GREB1L: variants seen among roughly 807,000 people sequenced by gnomAD.
GREB1L encodes the protein GREB1-like protein.
A neutral mutation model predicts 200.8 loss-of-function variants in GREB1L; 17 were observed. The observed-to-expected ratio is 0.08, with a 90% confidence interval of 0.06 to 0.13. The LOEUF (loss-of-function observed/expected upper bound fraction) is 0.13. Among genes scored for constraint, GREB1L ranks in the 10% least tolerant of loss-of-function variants. GREB1L has a pLI of 1.00. For synonymous variants in GREB1L, 789 were observed against 893.0 expected (o/e 0.88, Z 2.08); for missense variants, 1,657 against 2,367.7 (o/e 0.70, Z 6.23).
intron 15 of GREB1L, among the ~76,000 whole-genome samples, chr18:21,467,672 T>C (rs1193071932): frequency 1.3e-5 from 2 of 152,150 alleles, no homozygotes; most frequent in Non-Finnish European, 2.9e-5. Context: ...GAAAACAGTC[T>C]AGTGGTTGTC....
chr18:21,310,282 T>C (rs2144788615), intron 1 of GREB1L, among the ~76,000 whole-genome samples: 1 of 152,258 alleles, frequency 6.6e-6, no homozygotes, highest in East Asian at 1.9e-4. Context: ...TAAGTGTATC[T>C]TCAAGAAGCC....
At chr18:21,406,916 C>T (rs2030321897) in intron 7 of GREB1L, among the ~76,000 whole-genome samples, 2 of 150,496 alleles carry the variant, frequency 1.3e-5, no homozygotes, top group Admixed American at 1.3e-4. Context: ...ACTGTGACAC[C>T]CATGCTGGAG....
intron 12 of GREB1L, 52 bp downstream of exon 12, chr18:21,449,888 TTCC>T: frequency 7.4e-7 from 1 of 1,352,172 alleles, no homozygotes; most frequent in South Asian, 1.5e-5. Flanking sequence ...TCGACCATTT[TTCC>T]ATTTAAAAAT....
intron 7 of GREB1L, among the ~76,000 whole-genome samples, chr18:21,415,719 A>G: frequency 6.6e-6 from 1 of 152,234 alleles, no homozygotes; most frequent in Non-Finnish European, 1.5e-5. Flanking sequence ...CACATAATAC[A>G]TCAGGCATAA....
rs77131860 is a variant in GREB1L, at chr18:21,307,118, A to G, written c.-119-58909A>G. 3.6e-3 allele frequency among the ~76,000 whole-genome samples: 541 copies of G among 152,256 alleles called. 3 individuals are homozygous for G. The highest frequency in any genetic ancestry group is 0.012 in the African/African-American group (514 of 41,542). On this transcript the variant is annotated intron_variant, in intron 1 of 32. Transcript: ENST00000424526. ...GACATTCACAAATTTCCCAGTCCCA[A>G]CTGTCTTCTGTGTTCCACTGCACGG...
chr18:21,471,875 C>T (rs2035498466), intron 15 of GREB1L, among the ~76,000 whole-genome samples: 1 of 152,214 alleles, frequency 6.6e-6, no homozygotes, highest in Admixed American at 6.5e-5. Flanking sequence ...CCTGTCTTAG[C>T]TTCCCAAAGT....
chr18:21,270,102 T>C (rs2038054019), intron 1 of GREB1L, among the ~76,000 whole-genome samples: 1 of 152,226 alleles, frequency 6.6e-6, no homozygotes, highest in African/African-American at 2.4e-5. Flanking sequence ...GGAAAATATA[T>C]TGAACATATC....
chr18:21,439,478 G>T lies in GREB1L; in HGVS notation c.833-43G>T, dbSNP rs549324559. ...CCAGCATCCCAGAAAGCAGTGCCCC[G>T]CCCAGCCTCTGTTCTGAGCACTCCT... On this transcript the variant is annotated intron_variant, in intron 7 of 32. Transcript: ENST00000424526. The T allele has an allele frequency of 2.9e-5, 35 of 1,216,376 alleles. No individual in the cohort carries two copies. In the Middle Eastern group the frequency reaches 9.4e-4, roughly 33 times the overall value. 75.3% of individuals were successfully genotyped at this position (1,216,376 alleles called of 1,614,324 possible).
chr18:21,394,813 C>T (rs2040973017), intron 4 of GREB1L, among the ~76,000 whole-genome samples: 1 of 151,610 alleles, frequency 6.6e-6, no homozygotes. Flanking sequence ...CACCATTGCC[C>T]CACTTGTTGA....
At chr18:21,263,062 A>T (rs2037914076) in intron 1 of GREB1L, among the ~76,000 whole-genome samples, 1 of 152,200 alleles carries the variant, frequency 6.6e-6, no homozygotes, top group South Asian at 2.1e-4. Context: ...TTACCTGGTG[A>T]CTGAAAGTGC....
intron 7 of GREB1L, chr18:21,434,983 A>G (rs2145161286): frequency 6.6e-6 from 1 of 152,642 alleles, no homozygotes; most frequent in East Asian, 1.9e-4. Context: ...TCTGCAATCA[A>G]TTTAAGTGGA....
intron 5 of GREB1L, 130 bp from the exon 6 acceptor site, chr18:21,401,020 C>G (rs1239792520): frequency 1.4e-6 from 1 of 699,796 alleles, no homozygotes; most frequent in African/African-American, 1.8e-5. Context: ...GTTTTTTTCC[C>G]TCTGAATTAT....
chr18:21,291,325 T>C (rs562829769), intron 1 of GREB1L, among the ~76,000 whole-genome samples: 4 of 152,292 alleles, frequency 2.6e-5, no homozygotes, highest in Non-Finnish European at 4.4e-5. Context: ...CCTGGCTCAG[T>C]TGAGCCCTAG....
intron 29 of GREB1L, 27 bp from the exon 30 acceptor site, chr18:21,516,586 A>G: frequency 6.5e-7 from 1 of 1,547,982 alleles, no homozygotes; most frequent in Admixed American, 2.0e-5. Context: ...CCAGCGGAAG[A>G]AAACTATTGT....
chr18:21,256,854 A>C (rs1484741134), intron 1 of GREB1L, among the ~76,000 whole-genome samples: 1 of 151,900 alleles, frequency 6.6e-6, no homozygotes, highest in Admixed American at 6.6e-5. Context: ...AAAATATAAA[A>C]ATTAGCTGGG....
At chr18:21,488,624 G>C (rs2036214646) in intron 18 of GREB1L, among the ~76,000 whole-genome samples, 2 of 152,092 alleles carry the variant, frequency 1.3e-5, no homozygotes, top group Admixed American at 1.3e-4. Context: ...TGGACCCAGA[G>C]CCCACTTTGC....
intron 1 of GREB1L, chr18:21,317,041 G>C (rs2038880747): frequency 6.6e-6 from 1 of 152,252 alleles, no homozygotes; most frequent in Non-Finnish European, 1.5e-5. Flanking sequence ...GGGATTACAG[G>C]TGTAAGCCAT....
intron 15 of GREB1L, among the ~76,000 whole-genome samples, chr18:21,458,089 C>T (rs1568028036): frequency 1.3e-5 from 2 of 151,828 alleles, no homozygotes; most frequent in South Asian, 2.1e-4. Flanking sequence ...CTGCCTCAAC[C>T]TCCAGAGTAG....
chr18:21,385,700 T>A (rs1238468540), intron 4 of GREB1L, among the ~76,000 whole-genome samples: 7 of 152,238 alleles, frequency 4.6e-5, no homozygotes, highest in African/African-American at 1.7e-4. Context: ...TCATGCCTTT[T>A]ATTTAATTGA....
Sources: gnomAD v4.1 joint callset for allele counts (sites outside exome capture counted in the v4.1 genomes callset) on GRCh38, gnomAD v4.1.1 for gene constraint, MANE v1.5 for transcripts, NCBI Gene and HGNC (gene_info 2026-07-23, HGNC 2026-07-21) for gene names.